FLT3: variants seen among roughly 807,000 people sequenced by gnomAD.
FLT3 encodes fms related receptor tyrosine kinase 3, also known as receptor-type tyrosine-protein kinase FLT3.
Under a neutral mutation model 126.6 loss-of-function variants are expected in FLT3, and 46 were observed. The ratio of observed to expected loss-of-function variants is 0.36; its 90% confidence interval spans 0.29 to 0.46. FLT3 has a LOEUF of 0.46. Ranked by LOEUF, FLT3 falls within the 20% of genes least tolerant of loss-of-function variation. FLT3 has a pLI of 1.00. For missense variants in FLT3, 1,069 were observed against 1,190.3 expected (o/e 0.90, Z 1.50); for synonymous variants, 404 against 434.4 (o/e 0.93, Z 0.87).
chr13:28,008,562 C>T (rs1246887698), intron 23 of FLT3, among the ~76,000 whole-genome samples: 3 of 152,130 alleles, frequency 2.0e-5, no homozygotes, highest in East Asian at 1.9e-4. Flanking sequence ...TCACTGCAAC[C>T]TCCGCCTCCC....
intron 3 of FLT3, among the ~76,000 whole-genome samples, chr13:28,058,126 A>C (rs1876180124): frequency 6.6e-6 from 1 of 150,700 alleles, no homozygotes; most frequent in Non-Finnish European, 1.5e-5. Context: ...TGGGAGGCCA[A>C]GGCTGGCAGA....
chr13:28,091,340 G>A (rs1420056833), intron 1 of FLT3, among the ~76,000 whole-genome samples: 1 of 141,206 alleles, frequency 7.1e-6, no homozygotes, highest in East Asian at 2.3e-4. Context: ...TCCTGCCTCA[G>A]CCTCCCGAGT....
chr13:28,018,659 G>T, intron 19 of FLT3, 70 bp from the exon 20 acceptor site: 2 of 1,546,376 alleles, frequency 1.3e-6, no homozygotes, highest in Non-Finnish European at 1.8e-6. Flanking sequence ...CTTTCTTCTA[G>T]ACTCAACTTC....
At chr13:28,084,973 TAAA>T (rs59333724) in intron 1 of FLT3, among the ~76,000 whole-genome samples, 433 of 133,230 alleles carry the variant, frequency 3.3e-3, no homozygotes, top group Admixed American at 4.6e-3. Context: ...AGCCTTCCTC[TAAA>T]AAAAAAAAAA....
intron 22 of FLT3, among the ~76,000 whole-genome samples, chr13:28,014,795 C>T (rs978507448): frequency 9.2e-5 from 14 of 152,096 alleles, no homozygotes; most frequent in Admixed American, 4.6e-4. Flanking sequence ...CTTCATGGAG[C>T]CCTCAAGCAA....
At chr13:28,095,769 C>T (rs920620594) in intron 1 of FLT3, among the ~76,000 whole-genome samples, 5 of 152,134 alleles carry the variant, frequency 3.3e-5, no homozygotes, top group African/African-American at 9.7e-5. Context: ...GGGTTAGTTA[C>T]TGTCACCCTG....
intron 23 of FLT3, among the ~76,000 whole-genome samples, chr13:28,013,635 TAAC>T (rs939446621): frequency 2.0e-5 from 3 of 152,180 alleles, no homozygotes; most frequent in African/African-American, 7.2e-5. Context: ...TAATCTAACT[TAAC>T]AACCCATTTT....
intron 19 of FLT3, among the ~76,000 whole-genome samples, chr13:28,019,501 G>A (rs1872191645): frequency 6.6e-6 from 1 of 151,978 alleles, no homozygotes; most frequent in East Asian, 1.9e-4. Flanking sequence ...AAGGTCCAAT[G>A]TACACTCTTT....
intron 1 of FLT3, among the ~76,000 whole-genome samples, chr13:28,091,281 G>A (rs1232146100): frequency 7.6e-6 from 1 of 131,302 alleles, no homozygotes; most frequent in Non-Finnish European, 1.6e-5. Flanking sequence ...GAGTGCAGTG[G>A]CGCGATCTCG....
At position 28,034,407 on chromosome 13, in the gene FLT3, C is replaced by T. The variant is rs763688464; in HGVS notation, c.1598G>A (p.Gly533Asp). 1 of 1,607,680 alleles carries T rather than the reference C, an allele frequency of 6.2e-7. No homozygotes were observed. Among genetic ancestry groups the T allele is most frequent in the South Asian group, 1.1e-5 (1 of 90,888 alleles). ...GTTGTCTTGGATGAAAGGGAAGGGGCCTGCAACAAAAGAGTGTCACTCAGC... is the reference window on the plus strand; with the variant it reads ...GTTGTCTTGGATGAAAGGGAAGGGGTCTGCAACAAAAGAGTGTCACTCAGC... ...SCETILLNSPGPFPFIQDNIS... is the reference protein window; with the variant it reads ...SCETILLNSPDPFPFIQDNIS... The change falls in exon 13 of 24, where the codon GGC (glycine) becomes GAC (aspartate). Residue 533 changes from glycine to aspartate, a missense_variant and splice_region_variant. By Grantham distance (94) the Gly-to-Asp change is moderately conservative. Coordinates refer to ENST00000241453, the MANE Select transcript of FLT3 (RefSeq NM_004119.3).
At chr13:28,093,433 G>A (rs1020510417) in intron 1 of FLT3, among the ~76,000 whole-genome samples, 1 of 152,122 alleles carries the variant, frequency 6.6e-6, no homozygotes, top group African/African-American at 2.4e-5. Flanking sequence ...CACATTACAT[G>A]TTATGCTCAG....
intron 2 of FLT3, among the ~76,000 whole-genome samples, chr13:28,063,465 G>A (rs1876749977): frequency 1.3e-5 from 2 of 152,298 alleles, no homozygotes; most frequent in South Asian, 4.1e-4. Flanking sequence ...GGGGGACGGA[G>A]TCAGACTCTG....
chr13:28,076,947 G>A (rs1461252194), intron 1 of FLT3, among the ~76,000 whole-genome samples: 19 of 131,040 alleles, frequency 1.4e-4, no homozygotes, highest in Admixed American at 7.2e-4. Flanking sequence ...GAGCAAGAGG[G>A]AAGGAAGGAA....
At chr13:28,058,207 T>TAAAAAAA (rs57780867) in intron 3 of FLT3, among the ~76,000 whole-genome samples, 5 of 127,670 alleles carry the variant, frequency 3.9e-5, no homozygotes, top group African/African-American at 2.9e-5. Context: ...TTTTAAAAAT[T>TAAAAAAA]AAAAAAAAAA....
At chr13:28,025,075 T>C (rs1872694274) in intron 17 of FLT3, 132 bp from the exon 18 acceptor site, 1 of 637,066 alleles carries the variant, frequency 1.6e-6, no homozygotes, top group Admixed American at 3.0e-5. Flanking sequence ...ACACCATCCA[T>C]TTGTCCATTT....
chr13:28,054,973 T>C (rs1186265346), intron 4 of FLT3, among the ~76,000 whole-genome samples: 2 of 152,248 alleles, frequency 1.3e-5, no homozygotes, highest in African/African-American at 2.4e-5. Context: ...TTGACTTATA[T>C]AGATTGTTTA....
Position 28,100,262 on chromosome 13 carries a change from G to A in FLT3, c.43+206C>T, listed in dbSNP as rs1262893370. Among the ~76,000 whole-genome samples the A allele has an allele frequency of 2.0e-5, 3 of 152,118 alleles. No homozygotes were observed. The highest frequency in any genetic ancestry group is 4.4e-5 in the Non-Finnish European group (3 of 68,006). On this transcript the variant is annotated intron_variant, in intron 1 of 23. Transcript: ENST00000241453. This position sits in a 1 kb window ranked among gnomAD's most constrained non-coding sequence, Gnocchi z 4.8. ...GACTTCGGAGAAGAGGGAAGAGGAC[G>A]CGGGGTGGGAAACGCCGGGGCCGCA...
chr13:28,018,171 G>A (rs185688452), intron 20 of FLT3, among the ~76,000 whole-genome samples: 1 of 152,292 alleles, frequency 6.6e-6, no homozygotes. Context: ...CTAAGTGCAA[G>A]TATTGAGATT....
At chr13:28,053,420 G>A (rs1317146766) in intron 4 of FLT3, among the ~76,000 whole-genome samples, 5 of 106,484 alleles carry the variant, frequency 4.7e-5, no homozygotes, top group African/African-American at 1.3e-4. Context: ...ATATATGAAA[G>A]AATATATGGA....
Sources: gnomAD v4.1 joint callset for allele counts (sites outside exome capture counted in the v4.1 genomes callset) on GRCh38, gnomAD v4.1.1 for gene constraint, Gnocchi (gnomAD v3.1) non-coding constraint, MANE v1.5 for transcripts, NCBI Gene and HGNC (gene_info 2026-07-23, HGNC 2026-07-21) for gene names.